Variants in SHROOM4 observed in about 807,000 individuals in gnomAD.
SHROOM4 encodes the protein shroom family member 4.
A neutral mutation model predicts 80.3 loss-of-function variants in SHROOM4; 17 were observed. That is an observed-to-expected ratio of 0.21 (90% CI 0.14 to 0.32). The LOEUF (loss-of-function observed/expected upper bound fraction) is 0.32. Ranked by LOEUF, SHROOM4 falls within the 10% of genes least tolerant of loss-of-function variation. The probability of loss-of-function intolerance (pLI) is 1.00; values close to 1 mark genes in which losing one functional copy is unlikely to be tolerated. For missense variants in SHROOM4, 993 were observed against 1,140.3 expected, an observed-to-expected ratio of 0.87 and a Z score of 1.86; for synonymous variants, 400 against 437.5, an observed-to-expected ratio of 0.91 and a Z score of 1.07.
intron 5 of SHROOM4, among the ~76,000 whole-genome samples, chrX:50,622,263 T>C (rs111477789): frequency 0.042 from 4,711 of 111,484 alleles, 227 homozygotes; most frequent in African/African-American, 0.15. Context: ...AACCTCAGTG[T>C]TGTTGTGAGA....
At chrX:50,763,749 T>C (rs1387725988) in intron 1 of SHROOM4, among the ~76,000 whole-genome samples, 3 of 111,543 alleles carry the variant, frequency 2.7e-5, no homozygotes, top group Non-Finnish European at 5.6e-5. Context: ...ACTTTGATGA[T>C]GGATTTCTGT....
Position 50,586,858 on chromosome X carries a change from C to T in SHROOM4, c.*9837G>A, listed in dbSNP as rs1481036366. Among the ~76,000 whole-genome samples, 1 of 111,367 alleles carries T rather than the reference C, an allele frequency of 9.0e-6. No homozygotes were observed. Among genetic ancestry groups the T allele is most frequent in the Non-Finnish European group, 1.9e-5 (1 of 53,170 alleles). On this transcript the variant is annotated 3_prime_UTR_variant, in exon 9 of 9. Transcript: ENST00000376020. ...ACAAATGATGTTTTGACATCCATTA[C>T]ATAGTGAAATGATTGCTACAGTCAT...
At chrX:50,698,326 T>C (rs1933428097) in intron 1 of SHROOM4, among the ~76,000 whole-genome samples, 1 of 111,817 alleles carries the variant, frequency 8.9e-6, no homozygotes, top group Non-Finnish European at 1.9e-5. Flanking sequence ...CAACTGTTCA[T>C]ACCCCTTTTT....
intron 2 of SHROOM4, among the ~76,000 whole-genome samples, chrX:50,658,382 A>G (rs1932384072): frequency 9.0e-6 from 1 of 110,990 alleles, no homozygotes. Context: ...AGACTTATTG[A>G]TTCTACCTCC....
intron 2 of SHROOM4, among the ~76,000 whole-genome samples, chrX:50,641,331 C>T (rs971206408): frequency 1.9e-4 from 21 of 112,239 alleles, no homozygotes; most frequent in African/African-American, 6.8e-4. Flanking sequence ...GTTGCTTAAC[C>T]CATCTGAAAT....
intron 5 of SHROOM4, among the ~76,000 whole-genome samples, chrX:50,614,464 T>C (rs782681211): frequency 8.9e-5 from 10 of 112,595 alleles, no homozygotes; most frequent in African/African-American, 2.6e-4. Flanking sequence ...GAAAAAGGTA[T>C]AGTTCACAGA....
intron 4 of SHROOM4, among the ~76,000 whole-genome samples, chrX:50,630,403 T>C (rs782352957): frequency 2.8e-4 from 31 of 111,634 alleles, no homozygotes; most frequent in African/African-American, 1.0e-3. Context: ...ATGTGTTACA[T>C]CACTTAATCC....
intron 6 of SHROOM4, among the ~76,000 whole-genome samples, chrX:50,603,324 A>AT (rs1348757277): frequency 2.7e-5 from 3 of 109,239 alleles, no homozygotes; most frequent in African/African-American, 1.0e-4. Context: ...CACTCTCATC[A>AT]TTTTTTTCTT....
chrX:50,792,236 C>T (rs1008880529), intron 1 of SHROOM4, among the ~76,000 whole-genome samples: 5 of 112,072 alleles, frequency 4.5e-5, no homozygotes, highest in Admixed American at 9.4e-5. Flanking sequence ...TGGTGGCTCA[C>T]GCCTGTAATT....
At position 50,674,500 on chromosome X, in the gene SHROOM4, C is replaced by T. The variant is rs189160282; in HGVS notation, c.269+21286G>A. Among the ~76,000 whole-genome samples, 827 of 111,503 alleles carry T rather than the reference C, an allele frequency of 7.4e-3. 3 individuals are homozygous for T. Among genetic ancestry groups the T allele is most frequent in the African/African-American group, 0.026 (788 of 30,740 alleles). On this transcript the variant is annotated intron_variant, in intron 2 of 8. Coordinates refer to ENST00000376020, the MANE Select transcript of SHROOM4 (RefSeq NM_020717.5). ...AAGATAGCCTTTTCAACATATGGTG[C>T]TGTAACAATGAGACAACAACAGGCC...
intron 1 of SHROOM4, among the ~76,000 whole-genome samples, chrX:50,812,240 G>A (rs1336208773): frequency 2.8e-5 from 3 of 105,901 alleles, no homozygotes; most frequent in African/African-American, 1.0e-4. Flanking sequence ...TGGAAAGAGT[G>A]GGGAGAGGAG....
In SHROOM4 at chrX:50,644,813, A is replaced by G. The variant is rs185763517; in HGVS notation, c.270-6505T>C. 1.4e-3 allele frequency among the ~76,000 whole-genome samples: 154 copies of G among 112,068 alleles called. 1 individual carries two copies. Among genetic ancestry groups the G allele is most frequent in the African/African-American group, 4.8e-3 (149 of 30,891 alleles). ...GGAAAGTTTGGGAGCTTTGAGGAGC[A>G]TATGGATCTGGCTTACAGTCTCAGC... On this transcript the variant is annotated intron_variant, in intron 2 of 8. Coordinates refer to ENST00000376020, the MANE Select transcript of SHROOM4 (RefSeq NM_020717.5).
downstream of SHROOM4, among the ~76,000 whole-genome samples, chrX:50,585,784 A>AG (rs1928747646): frequency 9.0e-6 from 1 of 111,562 alleles, no homozygotes; most frequent in African/African-American, 3.3e-5. Flanking sequence ...GAGCTCCCAA[A>AG]GATACATGGT....
intron 2 of SHROOM4, among the ~76,000 whole-genome samples, chrX:50,682,900 G>A (rs1447218951): frequency 9.0e-6 from 1 of 111,637 alleles, no homozygotes; most frequent in Non-Finnish European, 1.9e-5. Flanking sequence ...AGTGGGCTGG[G>A]GAAGGCAGAA....
At chrX:50,618,651 G>A (rs904076723) in intron 5 of SHROOM4, among the ~76,000 whole-genome samples, 18 of 111,279 alleles carry the variant, frequency 1.6e-4, no homozygotes, top group Admixed American at 4.8e-4. Flanking sequence ...GCCTCCCAAA[G>A]TTCTGGGATT....
At chrX:50,719,178 G>T (rs1445953939) in intron 1 of SHROOM4, among the ~76,000 whole-genome samples, 2 of 111,781 alleles carry the variant, frequency 1.8e-5, no homozygotes, top group African/African-American at 6.5e-5. Flanking sequence ...ATATTATTTA[G>T]CTCCAATGTA....
intron 1 of SHROOM4, among the ~76,000 whole-genome samples, chrX:50,805,388 G>C (rs1402863227): frequency 1.8e-5 from 2 of 111,973 alleles, no homozygotes; most frequent in African/African-American, 6.5e-5. Context: ...CTAGGAAACT[G>C]TTGAGTGGCA....
chrX:50,705,989 T>TACACAC lies in SHROOM4; in HGVS notation c.118-10058_118-10053dup, dbSNP rs56363612. Among the ~76,000 whole-genome samples, 490 of 74,376 alleles carry TACACAC rather than the reference T, an allele frequency of 6.6e-3. 8 individuals carry two copies. Among genetic ancestry groups the TACACAC allele is most frequent in the African/African-American group, 0.021 (441 of 21,056 alleles). The allele number at this position is 74,376 out of a possible 115,157, so 64.6% of individuals were successfully genotyped here. On this transcript the variant is annotated intron_variant, in intron 1 of 8. Transcript: ENST00000376020. ...TTATTTCCCACAACCTCTCATCCTC[T>TACACAC]ACACACACACACACACACACACACA...
rs1557245668 is a variant in SHROOM4 at position 50,592,065 on chromosome X, T to C, written c.*4630A>G. ...TTCGGATTGTTCATTTGATCTTGTG[T>C]TTTAACCTTGTATCCTGCAACTTTC... is the stretch of plus-strand genomic sequence containing the variant. On this transcript the variant is annotated 3_prime_UTR_variant, in exon 9 of 9. Coordinates refer to ENST00000376020, the MANE Select transcript of SHROOM4 (RefSeq NM_020717.5). 4 of 329,499 alleles carry C rather than the reference T, an allele frequency of 1.2e-5. No individual in the cohort carries two copies. The highest frequency in any genetic ancestry group is 1.0e-4 in the South Asian group (4 of 38,491). The allele number at this position is 329,499 out of a possible 1,213,427, so 27.2% of individuals were successfully genotyped here.
Sources: gnomAD v4.1 joint callset for allele counts (sites outside exome capture counted in the v4.1 genomes callset) on GRCh38, gnomAD v4.1.1 for gene constraint, MANE v1.5 for transcripts, NCBI Gene and HGNC (gene_info 2026-07-23, HGNC 2026-07-21) for gene names.